The following PTCSC3 variants were observed in gnomAD, a reference collection of about 807,000 sequenced individuals.
PTCSC3 encodes the protein papillary thyroid carcinoma susceptibility candidate 3 (non-protein coding).
At chr14:36,156,665 TTGGTTTTCTGTTTCTG>T (rs1427762134) in intron 2 of PTCSC3, among the ~76,000 whole-genome samples, 1 of 152,120 alleles carries the variant, frequency 6.6e-6, no homozygotes, top group Non-Finnish European at 1.5e-5. Flanking sequence ...CATGCAGTGT[TTGGTTTTCTGTTTCTG>T]TGTTAGTTTG....
chr14:36,162,271 A>G (rs984644116), intron 2 of PTCSC3, among the ~76,000 whole-genome samples: 1 of 145,576 alleles, frequency 6.9e-6, no homozygotes, highest in Admixed American at 6.8e-5. Context: ...AAAAAAAAAA[A>G]AAAAAAAAAA....
chr14:36,154,317 T>G (rs1218648122), intron 2 of PTCSC3, among the ~76,000 whole-genome samples: 1 of 152,114 alleles, frequency 6.6e-6, no homozygotes, highest in Admixed American at 6.5e-5. Context: ...TTATGTACAT[T>G]ATTACTTCAA....
chr14:36,152,443 G>A (rs1276124704), intron 3 of PTCSC3, among the ~76,000 whole-genome samples: 1 of 151,852 alleles, frequency 6.6e-6, no homozygotes, highest in Non-Finnish European at 1.5e-5. Flanking sequence ...TCTAGCCTGG[G>A]CAACATAATG....
chr14:36,169,497 A>T (rs1273449207), intron 1 of PTCSC3, among the ~76,000 whole-genome samples: 2 of 152,152 alleles, frequency 1.3e-5, no homozygotes, highest in Non-Finnish European at 2.9e-5. Context: ...AACCACTTTG[A>T]CAAGGATAGC....
At chr14:36,139,130 A>T (rs1224031758) in intron 3 of PTCSC3, among the ~76,000 whole-genome samples, 15 of 151,324 alleles carry the variant, frequency 9.9e-5, no homozygotes, top group South Asian at 4.2e-4. Context: ...AAAAAAAAAA[A>T]AAAAAAAAAA....
intron 3 of PTCSC3, among the ~76,000 whole-genome samples, chr14:36,137,530 A>G (rs1203476501): frequency 6.6e-6 from 1 of 152,208 alleles, no homozygotes; most frequent in Non-Finnish European, 1.5e-5. Flanking sequence ...ATCCAGTTGC[A>G]GGGTGATGAT....
chr14:36,143,707 G>A (rs61996562), intron 3 of PTCSC3, among the ~76,000 whole-genome samples: 1 of 147,118 alleles, frequency 6.8e-6, no homozygotes, highest in South Asian at 2.2e-4. Context: ...CATTGCTTTT[G>A]GTGTTTTAGA....
intron 3 of PTCSC3, among the ~76,000 whole-genome samples, chr14:36,152,217 G>T (rs1054771303): frequency 6.6e-6 from 1 of 151,632 alleles, no homozygotes; most frequent in Non-Finnish European, 1.5e-5. Flanking sequence ...CAAGTTTTTT[G>T]AAGGTAAAAA....
At chr14:36,161,616 C>T (rs1209060079) in intron 2 of PTCSC3, among the ~76,000 whole-genome samples, 4 of 152,132 alleles carry the variant, frequency 2.6e-5, no homozygotes, top group East Asian at 1.9e-4. Context: ...GAGGGGCACC[C>T]GCCAGATGCC....
intron 2 of PTCSC3, among the ~76,000 whole-genome samples, chr14:36,156,942 C>T (rs1881842091): frequency 6.6e-6 from 1 of 152,068 alleles, no homozygotes; most frequent in Non-Finnish European, 1.5e-5. Flanking sequence ...AATAGGATTG[C>T]TGGGTCAAAT....
At chr14:36,158,230 T>G (rs1035913361) in intron 2 of PTCSC3, among the ~76,000 whole-genome samples, 1 of 152,242 alleles carries the variant, frequency 6.6e-6, no homozygotes, top group Non-Finnish European at 1.5e-5. Flanking sequence ...CTTTTCTTAA[T>G]TGAATACACT....
chr14:36,176,709 G>A (rs1882294695), upstream of PTCSC3, among the ~76,000 whole-genome samples: 2 of 152,052 alleles, frequency 1.3e-5, no homozygotes, highest in African/African-American at 2.4e-5. Flanking sequence ...CATGCCTGAC[G>A]GTGAATGTGC....
chr14:36,162,257 G>GAAAAA (rs1281172228), intron 2 of PTCSC3, among the ~76,000 whole-genome samples: 1 of 59,658 alleles, frequency 1.7e-5, no homozygotes, highest in African/African-American at 7.4e-5. Context: ...GCTGGGGTAT[G>GAAAAA]GAAAAAAAAA....
At chr14:36,137,397 G>A (rs1188682816) in intron 3 of PTCSC3, among the ~76,000 whole-genome samples, 1 of 152,214 alleles carries the variant, frequency 6.6e-6, no homozygotes, top group Non-Finnish European at 1.5e-5. Context: ...TACTCTGAAT[G>A]AGATGGGCAA....
intron 3 of PTCSC3, among the ~76,000 whole-genome samples, chr14:36,141,437 A>G (rs1225059600): frequency 6.6e-6 from 1 of 151,796 alleles, no homozygotes; most frequent in Non-Finnish European, 1.5e-5. Context: ...CCTCATATAT[A>G]TTTTGTCAGA....
At chr14:36,173,516 C>T (rs1379755994) in intron 1 of PTCSC3, among the ~76,000 whole-genome samples, 1 of 151,812 alleles carries the variant, frequency 6.6e-6, no homozygotes, top group Non-Finnish European at 1.5e-5. Context: ...AGCTAACTCT[C>T]AGCACCATTC....
intron 3 of PTCSC3, among the ~76,000 whole-genome samples, chr14:36,152,362 G>A (rs1338747149): frequency 6.6e-6 from 1 of 152,104 alleles, no homozygotes; most frequent in Non-Finnish European, 1.5e-5. Flanking sequence ...GGCTGAGGTG[G>A]GAGGATTGCT....
At chr14:36,149,200 T>A (rs1566505274) in intron 3 of PTCSC3, among the ~76,000 whole-genome samples, 11 of 152,190 alleles carry the variant, frequency 7.2e-5, no homozygotes, top group Admixed American at 7.2e-4. Context: ...TGTATTTTTA[T>A]TTTCATTTAT....
intron 3 of PTCSC3, among the ~76,000 whole-genome samples, chr14:36,147,106 C>T (rs1267727365): frequency 2.6e-5 from 4 of 152,184 alleles, no homozygotes; most frequent in African/African-American, 9.6e-5. Flanking sequence ...TTTTTTCCTT[C>T]ATTTCGACTT....
Sources: gnomAD v4.1 joint callset for allele counts (sites outside exome capture counted in the v4.1 genomes callset) on GRCh38, gnomAD v4.1.1 for gene constraint, MANE v1.5 for transcripts, NCBI Gene and HGNC (gene_info 2026-07-23, HGNC 2026-07-21) for gene names.